Variants in RPS6KA1 observed in about 807,000 individuals in gnomAD.
The protein encoded by RPS6KA1 is ribosomal protein S6 kinase A1, also known as ribosomal protein S6 kinase alpha-1.
Under a neutral mutation model 91.3 loss-of-function variants are expected in RPS6KA1, and 48 were observed. That is an observed-to-expected ratio of 0.53 (90% CI 0.42 to 0.67). The LOEUF (loss-of-function observed/expected upper bound fraction) is 0.67. RPS6KA1 is among the 30% of genes least tolerant of loss of function. The pLI is 0.00. For synonymous variants in RPS6KA1, 359 were observed against 384.7 expected (o/e 0.93, Z 0.78); for missense variants, 719 against 960.5 (o/e 0.75, Z 3.32).
At position 26,560,719 on chromosome 1, in the gene RPS6KA1, C is replaced by G; in HGVS notation, c.1216-7C>G. On this transcript the variant is annotated splice_polypyrimidine_tract_variant and splice_region_variant and intron_variant, in intron 14 of 21. Transcript: ENST00000374168. Reference sequence around the variant, plus strand: ...AGGGGTCAGCCACAATTTTTGGTCTCCTACAGCAACTCCATGGGAAGAACC... The same window carrying G: ...AGGGGTCAGCCACAATTTTTGGTCTGCTACAGCAACTCCATGGGAAGAACC... 1 of 1,614,130 alleles carries G rather than the reference C, an allele frequency of 6.2e-7. No individual in the cohort carries two copies. The highest frequency in any genetic ancestry group is 8.5e-7 in the Non-Finnish European group (1 of 1,180,000).
intron 17 of RPS6KA1, among the ~76,000 whole-genome samples, chr1:26,565,610 G>A (rs2076193413): frequency 6.7e-6 from 1 of 150,322 alleles, no homozygotes; most frequent in Non-Finnish European, 1.5e-5. Context: ...GCCCAGGCTG[G>A]AGTGCAATGG....
chr1:26,552,408 A>T (rs991289050), intron 6 of RPS6KA1, among the ~76,000 whole-genome samples: 1 of 150,440 alleles, frequency 6.6e-6, no homozygotes, highest in African/African-American at 2.4e-5. Context: ...AAAAAAAAAA[A>T]AGGATTTGAG....
intron 1 of RPS6KA1, among the ~76,000 whole-genome samples, 155 bp downstream of exon 1, chr1:26,530,138 A>G (rs140395850): frequency 0.022 from 3,362 of 152,048 alleles, 114 homozygotes; most frequent in African/African-American, 0.076. Context: ...CCACCCCCCT[A>G]TGCCCGGGTG....
At chr1:26,573,422 G>T in intron 21 of RPS6KA1, 61 bp downstream of exon 21, 2 of 1,598,968 alleles carry the variant, frequency 1.3e-6, no homozygotes. Context: ...CATGGTCAGG[G>T]ACTTGTGGAA....
At position 26,567,659 on chromosome 1, in the gene RPS6KA1, A is replaced by G. The variant is rs140629858; in HGVS notation, c.1591-3790A>G. On this transcript the variant is annotated intron_variant, in intron 17 of 21. Transcript: ENST00000374168. ...CTTCCAAAGTGCTGGGATTACAGGC[A>G]TGAGCCACCATGCCTGGCCTGGTCT... Among the ~76,000 whole-genome samples the G allele has an allele frequency of 3.1e-3, 476 of 152,174 alleles. 3 individuals are homozygous for G. The highest frequency in any genetic ancestry group is 0.011 in the African/African-American group (451 of 41,546).
At chr1:26,562,825 C>CCTTTTTTTTTTT (rs1553133561) in intron 17 of RPS6KA1, among the ~76,000 whole-genome samples, 1 of 81,432 alleles carries the variant, frequency 1.2e-5, no homozygotes, top group Non-Finnish European at 2.3e-5. Flanking sequence ...TCCTATTGTC[C>CCTTTTTTTTTTT]TTTTTTTTTT....
At chr1:26,570,248 G>T (rs920597927) in intron 17 of RPS6KA1, among the ~76,000 whole-genome samples, 2 of 152,114 alleles carry the variant, frequency 1.3e-5, no homozygotes, top group Non-Finnish European at 2.9e-5. Context: ...ACTTTGAGAG[G>T]CCCAGGCAGG....
In RPS6KA1 at chr1:26,561,521, A is replaced by G; in HGVS notation, c.1448A>G (p.Lys483Arg). 1 of 1,614,086 alleles carries G rather than the reference A, an allele frequency of 6.2e-7. No individual in the cohort carries two copies. Among genetic ancestry groups the G allele is most frequent in the Middle Eastern group, 1.6e-4 (1 of 6,062 alleles). ...ITLKDVYDDG[K>R]HVYLVTELMR... The stretch of plus-strand genomic sequence containing the variant: ...CTTCGGCAGGTGTATGATGATGGCA[A>G]ACACGTGTACCTGGTGACAGAGCTG... The change falls in exon 17 of 22, where the codon AAA becomes AGA. Residue 483 changes from lysine to arginine, a missense_variant. Transcript: ENST00000374168. The surrounding 1 kb of genome is among the most constrained non-coding windows in gnomAD (Gnocchi z 5.7).
At chr1:26,562,282 C>G (rs1442981086) in intron 17 of RPS6KA1, among the ~76,000 whole-genome samples, 2 of 152,050 alleles carry the variant, frequency 1.3e-5, no homozygotes, top group African/African-American at 4.8e-5. Context: ...TGTTACTGGC[C>G]CCACTTCACA....
At chr1:26,546,439 C>T (rs928280992) in intron 2 of RPS6KA1, among the ~76,000 whole-genome samples, 1 of 152,176 alleles carries the variant, frequency 6.6e-6, no homozygotes, top group Admixed American at 6.5e-5. Flanking sequence ...CAGAGGGATC[C>T]CCTCATCCCA....
chr1:26,574,035 A>T lies in RPS6KA1; in HGVS notation c.2086-44A>T. On this transcript the variant is annotated intron_variant, in intron 21 of 21. Coordinates refer to ENST00000374168, the MANE Select transcript of RPS6KA1 (RefSeq NM_002953.4). The surrounding 1 kb of genome is among the most constrained non-coding windows in gnomAD (Gnocchi z 4.3). ...TTGGGGCATGGATCCCCTCCCCGCT[A>T]CATCTCCCACCATTGTGACCTGACC... is the stretch of plus-strand genomic sequence containing the variant. 2 of 1,595,786 alleles carry T rather than the reference A, an allele frequency of 1.3e-6. No individual in the cohort carries two copies. The highest frequency in any genetic ancestry group is 1.7e-6 in the Non-Finnish European group (2 of 1,166,246).
At position 26,546,899 on chromosome 1, in the gene RPS6KA1, G is replaced by A. The variant is rs893887550; in HGVS notation, c.141G>A (p.Thr47=). 10 of 1,613,950 alleles carry A rather than the reference G, an allele frequency of 6.2e-6. No individual in the cohort carries two copies. Among genetic ancestry groups the A allele is most frequent in the South Asian group, 4.4e-5 (4 of 91,090 alleles). ...DEGVLKEISI[T]HHVKAGSEKA... is the part of the protein sequence containing the mutation. ...GCGTCCTCAAGGAGATCTCCATCAC[G>A]CACCACGTCAAGGCTGGCTCTGAGA... The change falls in exon 3 of 22, where the codon ACG becomes ACA. Residue 47 remains threonine (T), a synonymous_variant. Transcript: ENST00000374168.
At chr1:26,546,141 C>T in intron 2 of RPS6KA1, 1 of 1,358,988 alleles carries the variant, frequency 7.4e-7, no homozygotes, top group South Asian at 1.3e-5. Context: ...TGGCCCAGGC[C>T]TGGCCCTGCA....
chr1:26,572,599 AG>A (rs1296823155), intron 20 of RPS6KA1, among the ~76,000 whole-genome samples: 1 of 152,142 alleles, frequency 6.6e-6, no homozygotes, highest in Non-Finnish European at 1.5e-5. Flanking sequence ...TTTGCACACA[AG>A]GGGCAGAGAT....
intron 2 of RPS6KA1, among the ~76,000 whole-genome samples, chr1:26,546,409 G>A (rs572360693): frequency 2.6e-5 from 4 of 152,160 alleles, no homozygotes; most frequent in African/African-American, 7.2e-5. Flanking sequence ...CTTTGTGCAC[G>A]TCAGCCCTGT....
chr1:26,567,220 C>G (rs148182792), intron 17 of RPS6KA1, among the ~76,000 whole-genome samples: 4,970 of 151,830 alleles, frequency 0.033, 244 homozygotes, highest in African/African-American at 0.11. Flanking sequence ...GAGACAGGGT[C>G]TTACCATGTT....
At chr1:26,556,399 G>A (rs1371834670) in intron 11 of RPS6KA1, among the ~76,000 whole-genome samples, 2 of 152,344 alleles carry the variant, frequency 1.3e-5, no homozygotes, top group African/African-American at 4.8e-5. Flanking sequence ...CCTTGGAGAA[G>A]TTGCCTAAAG....
chr1:26,574,380 G>A lies in RPS6KA1; in HGVS notation c.*179G>A, dbSNP rs760686788. The A allele has an allele frequency of 1.2e-6, 1 of 821,506 alleles. No individual in the cohort carries two copies. Among genetic ancestry groups the A allele is most frequent in the South Asian group, 1.3e-5 (1 of 74,182 alleles). 50.9% of individuals were successfully genotyped at this position (821,506 alleles called of 1,614,324 possible). ...GAAGTGCCTTCTCCTTCCCCAGGAT[G>A]GACTCTTCTCGGCTCAGGCTCTGCT... On this transcript the variant is annotated 3_prime_UTR_variant, in exon 22 of 22. Coordinates refer to ENST00000374168, the MANE Select transcript of RPS6KA1 (RefSeq NM_002953.4). This position sits in a 1 kb window ranked among gnomAD's most constrained non-coding sequence, Gnocchi z 4.3.
intron 20 of RPS6KA1, among the ~76,000 whole-genome samples, 152 bp from the exon 21 acceptor site, chr1:26,573,071 CG>C (rs906706536): frequency 9.9e-5 from 15 of 152,152 alleles, no homozygotes; most frequent in African/African-American, 3.6e-4. Context: ...TGGCTGTGTG[CG>C]GGGAGCCCTG....
Sources: allele counts gnomAD v4.1 joint callset (sites outside exome capture counted in the v4.1 genomes callset), GRCh38; gene constraint gnomAD v4.1.1; non-coding constraint Gnocchi (gnomAD v3.1); transcripts MANE v1.5; gene names NCBI Gene and HGNC (gene_info 2026-07-23, HGNC 2026-07-21).